RPS9: variants seen among roughly 807,000 people sequenced by gnomAD.
RPS9 encodes small ribosomal subunit protein uS4.
A neutral mutation model predicts 16.9 loss-of-function variants in RPS9; 1 was observed. That is an observed-to-expected ratio of 0.06 (90% CI 0.02 to 0.28). The LOEUF (loss-of-function observed/expected upper bound fraction) is 0.28, where lower values mean the gene tolerates loss of function less well. RPS9 is among the 10% of genes least tolerant of loss of function. The pLI is 1.00. For missense variants in RPS9, 137 were observed against 273.2 expected (o/e 0.50, Z 3.51); for synonymous variants, 106 against 110.9 (o/e 0.96, Z 0.28).
chr19:54,207,127 A>G (rs912574574), intron 4 of RPS9: 12 of 495,812 alleles, frequency 2.4e-5, no homozygotes, highest in African/African-American at 1.5e-4. Flanking sequence ...TCACATGGCC[A>G]TCTCATTTGC....
chr19:54,202,152 G>C (rs2077078466), intron 3 of RPS9: 1 of 154,178 alleles, frequency 6.5e-6, no homozygotes, highest in Non-Finnish European at 1.4e-5. Context: ...CTCCCAAGTA[G>C]CTGGGACTAC....
At chr19:54,202,325 A>G (rs1488534832) in intron 3 of RPS9, 2 of 604,242 alleles carry the variant, frequency 3.3e-6, no homozygotes, top group Non-Finnish European at 4.2e-6. Flanking sequence ...AGCTGGAATC[A>G]CAGGCATGGG....
At chr19:54,201,861 C>T (rs1006930821) in intron 3 of RPS9, 10 of 656,082 alleles carry the variant, frequency 1.5e-5, no homozygotes, top group South Asian at 2.4e-5. Flanking sequence ...AAAGATAGGC[C>T]TGGCACACCT....
intron 3 of RPS9, 177 bp downstream of exon 3, chr19:54,201,786 T>C (rs1023935305): frequency 7.8e-5 from 106 of 1,364,512 alleles, no homozygotes; most frequent in Non-Finnish European, 1.0e-4. Context: ...GTCTTTGCCC[T>C]GTTTCTTAGG....
Position 54,201,536 on chromosome 19 carries a change from C to G in RPS9, c.147C>G (p.Thr49=). ...GTGAGGTCTGGAGGGTCAAATTTAC[C>G]CTGGCCAAGATCCGCAAGGCCGCCC... The part of the protein sequence containing the change: ...NKREVWRVKF[T]LAKIRKAARE... The change falls in exon 3 of 5, where the codon ACC becomes ACG. Residue 49 remains threonine (T), a synonymous_variant. Coordinates refer to ENST00000302907, the MANE Select transcript of RPS9 (RefSeq NM_001013.4). The G allele has an allele frequency of 6.2e-7, 1 of 1,614,014 alleles. No homozygotes were observed. The highest frequency in any genetic ancestry group is 8.5e-7 in the Non-Finnish European group (1 of 1,180,004).
chr19:54,201,736 T>G, intron 3 of RPS9, 127 bp downstream of exon 3: 1 of 1,481,886 alleles, frequency 6.7e-7, no homozygotes, highest in Non-Finnish European at 9.0e-7. Context: ...CTTCTAACTT[T>G]TAGTGGCACT....
intron 3 of RPS9, among the ~76,000 whole-genome samples, chr19:54,205,427 T>G (rs2147152374): frequency 6.6e-6 from 1 of 151,630 alleles, no homozygotes. Context: ...GGTGGAAAAT[T>G]TTGTACAGAA....
chr19:54,203,658 C>T (rs762048824), intron 3 of RPS9, among the ~76,000 whole-genome samples: 8 of 152,120 alleles, frequency 5.3e-5, no homozygotes, highest in Non-Finnish European at 1.2e-4. Context: ...ATAATCCCAG[C>T]TACTCGGGAG....
At chr19:54,201,732 AC>A (rs1329112501) in intron 3 of RPS9, 123 bp downstream of exon 3, 3 of 1,488,984 alleles carry the variant, frequency 2.0e-6, no homozygotes, top group African/African-American at 1.4e-5. Context: ...CAGCCTTCTA[AC>A]TTTTAGTGGC....
At chr19:54,205,144 G>A (rs1490243240) in intron 3 of RPS9, among the ~76,000 whole-genome samples, 1 of 152,074 alleles carries the variant, frequency 6.6e-6, no homozygotes. Context: ...AAGGAAAAAA[G>A]GTTGAGGTGT....
intron 4 of RPS9, 62 bp from the exon 5 acceptor site, chr19:54,207,335 TG>T (rs1449103067): frequency 4.4e-5 from 62 of 1,410,766 alleles, no homozygotes; most frequent in Non-Finnish European, 6.0e-5. Flanking sequence ...GAAAGAGTGG[TG>T]CGGTAGCTGG....
At chr19:54,201,022 G>T (rs2077023717) in intron 1 of RPS9, 134 bp downstream of exon 1, 3 of 1,458,556 alleles carry the variant, frequency 2.1e-6, no homozygotes, top group African/African-American at 1.4e-5. Context: ...GCACGGTTGT[G>T]GGGGCAGATA....
rs751207443 is a variant in RPS9 at position 54,201,179 on chromosome 19, G to A, written c.-6G>A. 2 of 1,600,304 alleles carry A rather than the reference G, an allele frequency of 1.2e-6. No homozygotes were observed. Among genetic ancestry groups the A allele is most frequent in the Middle Eastern group, 1.8e-4 (1 of 5,540 alleles). ...GCGCAGGCGCAGACGGGGAAGCGGAGCCAACATGCCAGTGGCCCGGAGCTG... is the reference window on the plus strand; with the variant it reads ...GCGCAGGCGCAGACGGGGAAGCGGAACCAACATGCCAGTGGCCCGGAGCTG... On this transcript the variant is annotated 5_prime_UTR_variant, in exon 2 of 5. Coordinates refer to ENST00000302907, the MANE Select transcript of RPS9 (RefSeq NM_001013.4).
intron 3 of RPS9, chr19:54,202,693 C>G: frequency 2.0e-6 from 2 of 985,376 alleles, no homozygotes; most frequent in South Asian, 9.4e-5. Context: ...TATCCTGAGA[C>G]GCTGCTTTTG....
rs370340900 is a variant in RPS9 at position 54,207,500 on chromosome 19, G to A, written c.510G>A (p.Pro170=). 174 of 1,613,236 alleles carry A rather than the reference G, an allele frequency of 1.1e-4. No homozygotes were observed. In the Middle Eastern group the frequency reaches 1.7e-3, roughly 16 times the overall value. ...SLRSPYGGGR[P]GRVKRKNAKK... ...GCTCTCCCTACGGGGGTGGCCGCCC[G>A]GGCCGCGTGAAGAGGAAGAATGCCA... Residue 170 remains proline (P), a synonymous_variant, in exon 5 of 5, where the codon CCG becomes CCA. Coordinates refer to ENST00000302907, the MANE Select transcript of RPS9 (RefSeq NM_001013.4).
chr19:54,202,828 G>T, intron 3 of RPS9: 1 of 985,422 alleles, frequency 1.0e-6, no homozygotes, highest in Non-Finnish European at 1.2e-6. Flanking sequence ...TTTAGCTACA[G>T]ATTATCACAG....
chr19:54,203,977 C>T (rs573142048), intron 3 of RPS9, among the ~76,000 whole-genome samples: 51 of 152,310 alleles, frequency 3.3e-4, no homozygotes, highest in Middle Eastern at 6.8e-3. Context: ...GTAGGACATG[C>T]TTTTGTTGAA....
intron 4 of RPS9, chr19:54,207,138 T>C (rs1033971517): frequency 1.9e-5 from 10 of 514,540 alleles, no homozygotes; most frequent in Non-Finnish European, 3.1e-5. Context: ...TCTCATTTGC[T>C]TTGTGGTCTT....
In RPS9 at chr19:54,201,849, C is replaced by G. The variant is rs780249879; in HGVS notation, c.220+240C>G. On this transcript the variant is annotated intron_variant, in intron 3 of 4. Coordinates refer to ENST00000302907, the MANE Select transcript of RPS9 (RefSeq NM_001013.4). ...ACCTTCAGTTTAGTAATGACCAGAG[C>G]TAAAGATAGGCCTGGCACACCTGGG... 63 of 780,014 alleles carry G rather than the reference C, an allele frequency of 8.1e-5. 1 individual carries two copies. The highest frequency in any genetic ancestry group is 1.1e-4 in the Non-Finnish European group (55 of 516,292). The allele number at this position is 780,014 out of a possible 1,614,324, so 48.3% of individuals were successfully genotyped here. A position where few individuals can be genotyped will look rare whatever the true frequency, so the allele number is the denominator to read the frequency against.
Sources: gnomAD v4.1 joint callset for allele counts (sites outside exome capture counted in the v4.1 genomes callset) on GRCh38, gnomAD v4.1.1 for gene constraint, MANE v1.5 for transcripts, NCBI Gene and HGNC (gene_info 2026-07-23, HGNC 2026-07-21) for gene names.